HSF2BP: variants seen among roughly 807,000 people sequenced by gnomAD.
The protein encoded by HSF2BP is heat shock transcription factor 2 binding protein, also known as heat shock factor 2-binding protein.
In HSF2BP, 35 loss-of-function variants were observed where a neutral mutation model predicts 35.0. That is an observed-to-expected ratio of 1.00 (90% CI 0.76 to 1.32). HSF2BP has a LOEUF of 1.32. Among genes scored for constraint, HSF2BP ranks in the 40% most tolerant of loss-of-function variants. The pLI is 0.00. For missense variants in HSF2BP, 326 were observed against 321.7 expected, an observed-to-expected ratio of 1.01 and a Z score of -0.10; for synonymous variants, 114 against 117.4, an observed-to-expected ratio of 0.97 and a Z score of 0.18.
At chr21:43,575,460 A>C (rs182061864) in intron 8 of HSF2BP, among the ~76,000 whole-genome samples, 1 of 152,218 alleles carries the variant, frequency 6.6e-6, no homozygotes, top group Non-Finnish European at 1.5e-5. Flanking sequence ...GCTGATACCT[A>C]ACACTGTGGG....
chr21:43,589,809 G>C (rs975588221), intron 8 of HSF2BP, among the ~76,000 whole-genome samples: 2 of 151,840 alleles, frequency 1.3e-5, no homozygotes, highest in African/African-American at 4.8e-5. Flanking sequence ...AAAGTCTTAT[G>C]CAAAAAAACA....
chr21:43,603,950 G>T (rs1334560664), intron 7 of HSF2BP, among the ~76,000 whole-genome samples: 1 of 152,140 alleles, frequency 6.6e-6, no homozygotes, highest in Non-Finnish European at 1.5e-5. Flanking sequence ...CCACTGACCT[G>T]CAGGGCCCAC....
rs560903490 is a variant in HSF2BP at position 43,605,361 on chromosome 21, T to C, written c.692+8469A>G. On this transcript the variant is annotated intron_variant, in intron 7 of 8. Coordinates refer to ENST00000291560, the MANE Select transcript of HSF2BP (RefSeq NM_007031.2). ...GGCTGAAAGAGCCCACAAACACACA[T>C]CACCCACCCCCCGACACACACACCA... Among the ~76,000 whole-genome samples the C allele has an allele frequency of 1.9e-3, 222 of 119,622 alleles. 2 individuals carry two copies. The highest frequency in any genetic ancestry group is 6.9e-3 in the African/African-American group (211 of 30,414). 78.5% of individuals were successfully genotyped at this position (119,622 alleles called of 152,430 possible).
chr21:43,639,163 T>C (rs935289563), intron 4 of HSF2BP, among the ~76,000 whole-genome samples: 3 of 152,188 alleles, frequency 2.0e-5, no homozygotes, highest in African/African-American at 4.8e-5. Flanking sequence ...AAATGAATCA[T>C]AGACTTAAAT....
chr21:43,650,531 G>C (rs1201473171), intron 3 of HSF2BP, among the ~76,000 whole-genome samples: 2 of 151,680 alleles, frequency 1.3e-5, no homozygotes, highest in East Asian at 3.9e-4. Context: ...TAAAAAATAG[G>C]ATTTTCCTAG....
intron 3 of HSF2BP, among the ~76,000 whole-genome samples, chr21:43,654,850 G>A (rs182007777): frequency 6.6e-6 from 1 of 152,340 alleles, no homozygotes; most frequent in Admixed American, 6.5e-5. Context: ...AATGAGCGGG[G>A]CCTAGGCCTG....
intron 3 of HSF2BP, among the ~76,000 whole-genome samples, chr21:43,653,322 G>A (rs1418154967): frequency 6.6e-6 from 1 of 151,952 alleles, no homozygotes; most frequent in Non-Finnish European, 1.5e-5. Flanking sequence ...GAGACAGTAG[G>A]GTGCTCCCTC....
At chr21:43,642,181 T>G (rs1482157016) in intron 4 of HSF2BP, among the ~76,000 whole-genome samples, 3 of 152,062 alleles carry the variant, frequency 2.0e-5, no homozygotes, top group Admixed American at 6.6e-5. Flanking sequence ...AGAATTGTTC[T>G]TGTAAAAAAT....
intron 4 of HSF2BP, among the ~76,000 whole-genome samples, chr21:43,643,197 TCC>T (rs2082662204): frequency 6.6e-6 from 1 of 152,178 alleles, no homozygotes; most frequent in African/African-American, 2.4e-5. Flanking sequence ...AATGTAATAA[TCC>T]CCAAATTAAT....
chr21:43,649,695 C>T (rs1448090497), intron 3 of HSF2BP, among the ~76,000 whole-genome samples: 1 of 152,124 alleles, frequency 6.6e-6, no homozygotes, highest in African/African-American at 2.4e-5. Flanking sequence ...TATCTGACTG[C>T]CACTAAGGTG....
chr21:43,640,245 G>A (rs2082618225), intron 4 of HSF2BP, among the ~76,000 whole-genome samples: 1 of 152,238 alleles, frequency 6.6e-6, no homozygotes, highest in African/African-American at 2.4e-5. Flanking sequence ...AGGATGCTGT[G>A]AGCCATGATC....
chr21:43,645,655 C>T (rs1246768484), intron 3 of HSF2BP, among the ~76,000 whole-genome samples: 1 of 152,218 alleles, frequency 6.6e-6, no homozygotes, highest in East Asian at 1.9e-4. Flanking sequence ...TGTACTGTCA[C>T]TTGCGATGAG....
intron 1 of HSF2BP, among the ~76,000 whole-genome samples, chr21:43,658,908 AC>A (rs1271948731): frequency 7.2e-5 from 11 of 151,944 alleles, no homozygotes; most frequent in Non-Finnish European, 1.5e-4. Context: ...TCTCAACTCC[AC>A]CCGGGGGCCC....
At position 43,630,308 on chromosome 21, in the gene HSF2BP, G is replaced by A; in HGVS notation, c.574+14C>T. ...AGCAAACAGGCAACATCTCTCAGGTGCGCCTGCACTTACTCGTGACAATTC... is the reference window on the plus strand; with the variant it reads ...AGCAAACAGGCAACATCTCTCAGGTACGCCTGCACTTACTCGTGACAATTC... On this transcript the variant is annotated intron_variant, in intron 6 of 8. Coordinates refer to ENST00000291560, the MANE Select transcript of HSF2BP (RefSeq NM_007031.2). The A allele has an allele frequency of 6.2e-7, 1 of 1,604,320 alleles. No individual in the cohort carries two copies. Among genetic ancestry groups the A allele is most frequent in the Non-Finnish European group, 8.5e-7 (1 of 1,175,882 alleles).
intron 6 of HSF2BP, among the ~76,000 whole-genome samples, chr21:43,623,551 A>G (rs1221366711): frequency 6.6e-6 from 1 of 152,202 alleles, no homozygotes; most frequent in Non-Finnish European, 1.5e-5. Flanking sequence ...ACAAGTGTCC[A>G]TGCCCAGAAG....
Position 43,658,243 on chromosome 21 carries a change from G to T in HSF2BP, c.-147C>A. ...CTCCCAGAATTTGCGCAGTATTCTC[G>T]GCCTAGAGAGCGAGGAGTGGCCTTG... is the stretch of plus-strand genomic sequence containing the variant. On this transcript the variant is annotated 5_prime_UTR_variant, in exon 2 of 9. Coordinates refer to ENST00000291560, the MANE Select transcript of HSF2BP (RefSeq NM_007031.2). The T allele has an allele frequency of 1.1e-6, 1 of 940,930 alleles. No homozygotes were observed. The highest frequency in any genetic ancestry group is 1.5e-6 in the Non-Finnish European group (1 of 657,420). 58.3% of individuals were successfully genotyped at this position (940,930 alleles called of 1,614,324 possible). A position where few individuals can be genotyped will look rare whatever the true frequency, so the allele number is the denominator to read the frequency against.
At chr21:43,651,879 T>G (rs2082791224) in intron 3 of HSF2BP, among the ~76,000 whole-genome samples, 1 of 152,224 alleles carries the variant, frequency 6.6e-6, no homozygotes, top group Non-Finnish European at 1.5e-5. Context: ...TATTGCAAAC[T>G]GCCATTTACC....
intron 7 of HSF2BP, among the ~76,000 whole-genome samples, chr21:43,601,213 G>A (rs1401295321): frequency 6.6e-6 from 1 of 152,172 alleles, no homozygotes; most frequent in African/African-American, 2.4e-5. Context: ...ACAGACACAG[G>A]CCAGCTGGCT....
chr21:43,658,000 T>A, intron 2 of HSF2BP, 61 bp downstream of exon 2: 1 of 1,533,812 alleles, frequency 6.5e-7, no homozygotes, highest in Non-Finnish European at 8.7e-7. Flanking sequence ...GGCGAGGCCC[T>A]GAGGGGAGCG....
Sources: gnomAD v4.1 joint callset for allele counts (sites outside exome capture counted in the v4.1 genomes callset) on GRCh38, gnomAD v4.1.1 for gene constraint, MANE v1.5 for transcripts, NCBI Gene and HGNC (gene_info 2026-07-23, HGNC 2026-07-21) for gene names.